The following DNPEP variants were observed in gnomAD, a reference collection of about 807,000 sequenced individuals.
The protein encoded by DNPEP is aspartyl aminopeptidase.
DNPEP carries 46 observed loss-of-function variants against 59.1 expected under a neutral mutation model. The observed-to-expected ratio is 0.78, with a 90% CI of 0.61 to 0.99. The LOEUF (loss-of-function observed/expected upper bound fraction) is 0.99. Among genes scored for constraint, DNPEP ranks in the 50% least tolerant of loss-of-function variants. DNPEP has a pLI of 0.00. For missense variants in DNPEP, 617 were observed against 649.9 expected, an observed-to-expected ratio of 0.95 and a Z score of 0.55; for synonymous variants, 229 against 242.2, an observed-to-expected ratio of 0.95 and a Z score of 0.50.
chr2:219,392,701 G>C (rs934735030), upstream of DNPEP, among the ~76,000 whole-genome samples: 1 of 152,020 alleles, frequency 6.6e-6, no homozygotes, highest in African/African-American at 2.4e-5. Flanking sequence ...GTAGAGACAG[G>C]GTTTCACCAT....
intron 13 of DNPEP, among the ~76,000 whole-genome samples, chr2:219,377,063 C>A (rs184136336): frequency 6.6e-6 from 1 of 152,048 alleles, no homozygotes; most frequent in East Asian, 1.9e-4. Flanking sequence ...CACTTGAGGT[C>A]AGGAGTTCAA....
upstream of DNPEP, among the ~76,000 whole-genome samples, chr2:219,392,828 A>G (rs1028882750): frequency 6.6e-6 from 1 of 152,032 alleles, no homozygotes; most frequent in Admixed American, 6.6e-5. Context: ...CAAACTATTG[A>G]TCCTACCTTT....
At chr2:219,392,414 C>T (rs112193346), upstream of DNPEP, among the ~76,000 whole-genome samples, 606 of 151,138 alleles carry the variant, frequency 4.0e-3, 7 homozygotes, top group Middle Eastern at 0.01. Flanking sequence ...TGGCAACCAT[C>T]TCAGCTCACT....
At chr2:219,384,477 C>A (rs1953726368) in intron 8 of DNPEP, 34 bp from the exon 9 acceptor site, 1 of 1,561,888 alleles carries the variant, frequency 6.4e-7, no homozygotes, top group East Asian at 2.3e-5. Context: ...CGACCTTCAA[C>A]CCTCCACCCC....
In DNPEP at chr2:219,374,193, G is replaced by A; in HGVS notation, c.*99C>T. On this transcript the variant is annotated 3_prime_UTR_variant, in exon 15 of 15. Transcript: ENST00000273075. ...TCTCCAAATAAGCGTAGCACGGAGA[G>A]TCTGAGTGACAATCCACTTTAATAA... The A allele has an allele frequency of 2.7e-5, 32 of 1,182,922 alleles. No homozygotes were observed. The highest frequency in any genetic ancestry group is 3.7e-5 in the Non-Finnish European group (29 of 794,026). The allele number at this position is 1,182,922 out of a possible 1,614,324, so 73.3% of individuals were successfully genotyped here. A position where few individuals can be genotyped will look rare whatever the true frequency, so the allele number is the denominator to read the frequency against.
chr2:219,381,812 C>A (rs1953615284), intron 11 of DNPEP, 167 bp downstream of exon 11: 1 of 923,304 alleles, frequency 1.1e-6, no homozygotes, highest in Admixed American at 2.3e-5. Context: ...CATTGCATGA[C>A]TTTGACCAAG....
At chr2:219,377,565 A>C (rs1225517041) in intron 13 of DNPEP, among the ~76,000 whole-genome samples, 1 of 152,128 alleles carries the variant, frequency 6.6e-6, no homozygotes, top group African/African-American at 2.4e-5. Context: ...TATTTTGAGG[A>C]TAACTGGGGA....
chr2:219,387,915 C>G, upstream of DNPEP: 1 of 1,378,040 alleles, frequency 7.3e-7, no homozygotes, highest in Non-Finnish European at 9.4e-7. Flanking sequence ...CACGCTTCCC[C>G]GGCCGCGCCG....
chr2:219,388,602 G>T (rs1366614043), upstream of DNPEP: 4 of 720,646 alleles, frequency 5.6e-6, no homozygotes, highest in Non-Finnish European at 6.8e-6. Context: ...CCGCCGCCAG[G>T]GCCCTCTGCT....
chr2:219,374,995 AG>A lies in DNPEP; in HGVS notation c.1266del (p.Cys423ValfsTer20). On this transcript the variant is annotated frameshift_variant, in exon 14 of 15. Coordinates refer to ENST00000273075, the MANE Select transcript of DNPEP (RefSeq NM_012100.4). LOFTEE classifies it high-confidence loss of function. ...LQDLMVRNDTPCGTTIGPILA... is the reference protein window; with the variant it reads ...LQDLMVRNDTXCGTTIGPILA... ...AAGATAGGTCCAATGGTGGTTCCAC[AG>A]GGGGTGTCATTCCGGACCATGAGAT... 6.2e-7 allele frequency: 1 copy of A among 1,614,096 alleles called. No individual in the cohort carries two copies. The highest frequency in any genetic ancestry group is 8.5e-7 in the Non-Finnish European group (1 of 1,180,002).
At chr2:219,390,944 C>G (rs1954007445), upstream of DNPEP, among the ~76,000 whole-genome samples, 1 of 152,126 alleles carries the variant, frequency 6.6e-6, no homozygotes, top group Admixed American at 6.6e-5. Flanking sequence ...TGGGGTAATG[C>G]AAGCATTTTC....
intron 5 of DNPEP, 68 bp downstream of exon 5, chr2:219,386,218 G>C (rs527251540): frequency 6.2e-7 from 1 of 1,611,440 alleles, no homozygotes; most frequent in Non-Finnish European, 8.5e-7. Context: ...TCTTCCCCAC[G>C]GGTACCCTGA....
chr2:219,382,053 T>G lies in DNPEP; in HGVS notation c.1023A>C (p.Thr341=), dbSNP rs766640913. Residue 341 remains threonine, a synonymous_variant, in exon 11 of 15, where the codon ACA becomes ACC. Coordinates refer to ENST00000273075, the MANE Select transcript of DNPEP (RefSeq NM_012100.4). The stretch of plus-strand genomic sequence containing the variant: ...ACTTGGGTATGGCTTCCTCGAAGGC[T>G]GTCGGGTGCTGGCACGAGGCTGAGA... ...RRISASCQHP[T]AFEEAIPKSF... 1.9e-6 allele frequency: 3 copies of G among 1,614,182 alleles called. No individual in the cohort carries two copies. Among genetic ancestry groups the G allele is most frequent in the Admixed American group, 3.3e-5 (2 of 60,022 alleles).
chr2:219,385,760 G>A (rs750705119), intron 6 of DNPEP, 54 bp from the exon 7 acceptor site: 35 of 1,503,208 alleles, frequency 2.3e-5, no homozygotes, highest in Middle Eastern at 3.8e-4. Context: ...AGCTGAGTGC[G>A]GCATCCATAA....
rs1274596866 is a variant in DNPEP at position 219,373,465 on chromosome 2, T to G, written c.*827A>C. On this transcript the variant is annotated 3_prime_UTR_variant, in exon 15 of 15. Coordinates refer to ENST00000273075, the MANE Select transcript of DNPEP (RefSeq NM_012100.4). ...ACCTACGCCTCCTTGGTTCAAGCTA[T>G]TCTCCTGCCTCAGTCTCCTGAATAG... 6.6e-6 allele frequency: 1 copy of G among 152,272 alleles called. No individual in the cohort carries two copies. The highest frequency in any genetic ancestry group is 1.5e-5 in the Non-Finnish European group (1 of 68,092). The allele number at this position is 152,272 out of a possible 1,614,324, so 9.4% of individuals were successfully genotyped here.
chr2:219,397,026 C>A (rs1358239550), intron 1 of DNPEP, among the ~76,000 whole-genome samples: 2 of 152,218 alleles, frequency 1.3e-5, no homozygotes, highest in Non-Finnish European at 2.9e-5. Flanking sequence ...AAAACTGGCA[C>A]TTCACAAAGG....
chr2:219,387,054 C>G lies in DNPEP; in HGVS notation c.130+16G>C, dbSNP rs949687447. On this transcript the variant is annotated intron_variant, in intron 2 of 14. Coordinates refer to ENST00000273075, the MANE Select transcript of DNPEP (RefSeq NM_012100.4). ...ATCAGCCTCCACCCTCCTCCCTTGCCCTGGCCACCGCTTACCATGGAAAGG... is the reference window on the plus strand; with the variant it reads ...ATCAGCCTCCACCCTCCTCCCTTGCGCTGGCCACCGCTTACCATGGAAAGG... 1.2e-5 allele frequency: 19 copies of G among 1,610,294 alleles called. No individual in the cohort carries two copies. The highest frequency in any genetic ancestry group is 1.6e-5 in the Non-Finnish European group (19 of 1,178,044).
Position 219,381,454 on chromosome 2 carries a change from G to T in DNPEP, c.1138-18C>A, listed in dbSNP as rs372376542. ...ACGGGGCCCTGGGGAGAGTCAAGGT[G>T]AGGCAGAGGTAATGACAGGCCCAAA... On this transcript the variant is annotated intron_variant, in intron 12 of 14. Transcript: ENST00000273075. 1.5e-4 allele frequency: 238 copies of T among 1,614,172 alleles called. 1 individual carries two copies. Among genetic ancestry groups the T allele is most frequent in the Non-Finnish European group, 1.8e-4 (212 of 1,179,990 alleles).
chr2:219,395,305 G>T (rs1288930674), intron 1 of DNPEP, among the ~76,000 whole-genome samples: 1 of 152,168 alleles, frequency 6.6e-6, no homozygotes, highest in Non-Finnish European at 1.5e-5. Flanking sequence ...TGGCGAGCTG[G>T]ACAGTAGAAC....
Sources: allele counts gnomAD v4.1 joint callset (sites outside exome capture counted in the v4.1 genomes callset), GRCh38; gene constraint gnomAD v4.1.1; transcripts MANE v1.5; gene names NCBI Gene and HGNC (gene_info 2026-07-23, HGNC 2026-07-21).